Variants in AAK1 observed in about 807,000 individuals in gnomAD.
AAK1 encodes AP2-associated protein kinase 1.
Under a neutral mutation model 116.0 loss-of-function variants are expected in AAK1, and 37 were observed. The ratio of observed to expected loss-of-function variants is 0.32; its 90% CI spans 0.25 to 0.42. The LOEUF is 0.42. Ranked by LOEUF, AAK1 falls within the 10% of genes least tolerant of loss-of-function variation. The probability of loss-of-function intolerance (pLI) is 1.00; values close to 1 mark genes in which losing one functional copy is unlikely to be tolerated. For synonymous variants in AAK1, 458 were observed against 439.9 expected (o/e 1.04, Z -0.51); for missense variants, 919 against 1,170.6 (o/e 0.79, Z 3.14).
intron 5 of AAK1, among the ~76,000 whole-genome samples, chr2:69,538,861 A>G (rs1472705240): frequency 1.3e-5 from 2 of 152,188 alleles, no homozygotes; most frequent in African/African-American, 2.4e-5. Flanking sequence ...CAGCCTGGGC[A>G]AGAGAGCAAG....
In AAK1 at chr2:69,458,707, G is replaced by GCACA. The variant is rs139723881; in HGVS notation, c.*17158_*17161dup. On this transcript the variant is annotated 3_prime_UTR_variant, in exon 22 of 22. Transcript: ENST00000409085. ...TGGAAGAAAGCATGAAGATGAATGA[G>GCACA]CACACACACACACACACACACCCCA... 18,359 of 150,226 alleles carry GCACA rather than the reference G, an allele frequency of 0.12. 1,235 individuals are homozygous for GCACA. Among genetic ancestry groups the GCACA allele is most frequent in the Non-Finnish European group, 0.16 (10,550 of 67,216 alleles). The allele number at this position is 150,226 out of a possible 1,614,324, so 9.3% of individuals were successfully genotyped here.
chr2:69,532,191 CA>C lies in AAK1; in HGVS notation c.535-30del, dbSNP rs780871458. 6 of 1,611,200 alleles carry C rather than the reference CA, an allele frequency of 3.7e-6. No homozygotes were observed. The African/African-American group carries it at 8.0e-5, about 22-fold the overall frequency. ...AAAAACATTCCCCAACCACCCATTC[CA>C]AGATATCATTTAGTAATGCACGTGA... On this transcript the variant is annotated intron_variant, in intron 5 of 21. Coordinates refer to ENST00000409085, the MANE Select transcript of AAK1 (RefSeq NM_014911.5).
At chr2:69,537,698 G>C (rs930394648) in intron 5 of AAK1, among the ~76,000 whole-genome samples, 3 of 152,236 alleles carry the variant, frequency 2.0e-5, no homozygotes, top group African/African-American at 7.2e-5. Flanking sequence ...TGCAACGACA[G>C]AGCCAGGGTG....
intron 16 of AAK1, chr2:69,499,776 G>A (rs778235536): frequency 2.0e-4 from 30 of 152,014 alleles, no homozygotes; most frequent in Middle Eastern, 3.2e-3. Flanking sequence ...CTGAATATAC[G>A]GTGTAAGTCA....
Position 69,566,860 on chromosome 2 carries a change from G to A in AAK1, c.164-9882C>T, listed in dbSNP as rs142919826. ...TGGGCTATCAGCTAAGGCTAACCAA[G>A]AAAGGGCCTTTCCACAAGCTACCCG... On this transcript the variant is annotated intron_variant, in intron 2 of 21. Coordinates refer to ENST00000409085, the MANE Select transcript of AAK1 (RefSeq NM_014911.5). Among the ~76,000 whole-genome samples, 766 of 152,302 alleles carry A rather than the reference G, an allele frequency of 5.0e-3. 8 individuals carry two copies. The highest frequency in any genetic ancestry group is 0.018 in the African/African-American group (728 of 41,552).
At position 69,470,337 on chromosome 2, in the gene AAK1, C is replaced by T. The variant is rs781027665; in HGVS notation, c.*5532G>A. 81 of 985,240 alleles carry T rather than the reference C, an allele frequency of 8.2e-5. No homozygotes were observed. The highest frequency in any genetic ancestry group is 1.9e-4 in the African/African-American group (11 of 57,200). The allele number at this position is 985,240 out of a possible 1,614,324, so 61.0% of individuals were successfully genotyped here. A position where few individuals can be genotyped will look rare whatever the true frequency, so the allele number is the denominator to read the frequency against. On this transcript the variant is annotated 3_prime_UTR_variant, in exon 22 of 22. Transcript: ENST00000409085. ...CTTGGAAATGCAGCAGCAATTGAAA[C>T]GTAAAATTTTAGAACCAAACTGGGG...
At chr2:69,552,704 A>T (rs1373153114) in intron 3 of AAK1, among the ~76,000 whole-genome samples, 1 of 151,432 alleles carries the variant, frequency 6.6e-6, no homozygotes, top group Non-Finnish European at 1.5e-5. Flanking sequence ...GAGCAAGAAG[A>T]CTCCGTCTCA....
intron 2 of AAK1, among the ~76,000 whole-genome samples, chr2:69,621,381 A>C (rs1260546420): frequency 1.3e-5 from 2 of 152,166 alleles, no homozygotes; most frequent in Non-Finnish European, 2.9e-5. Flanking sequence ...CGGGAGGCCG[A>C]GGCAGAAGAA....
intron 17 of AAK1, among the ~76,000 whole-genome samples, chr2:69,494,815 A>T (rs1675674675): frequency 6.6e-6 from 1 of 152,152 alleles, no homozygotes. Context: ...GTAAGCTATA[A>T]AGTTATACAG....
intron 2 of AAK1, among the ~76,000 whole-genome samples, chr2:69,584,244 G>A (rs755771614): frequency 2.2e-4 from 33 of 152,168 alleles, no homozygotes; most frequent in African/African-American, 7.2e-4. Flanking sequence ...CCAGGCAGGC[G>A]TGACTCCTAA....
At chr2:69,586,363 G>A (rs890086962) in intron 2 of AAK1, among the ~76,000 whole-genome samples, 4 of 152,126 alleles carry the variant, frequency 2.6e-5, no homozygotes, top group Non-Finnish European at 5.9e-5. Flanking sequence ...TTGGCACAAG[G>A]TAACCATGGG....
rs1674749314 is a variant in AAK1, at chr2:69,473,519, C to A, written c.*2350G>T. On this transcript the variant is annotated 3_prime_UTR_variant, in exon 22 of 22. Transcript: ENST00000409085. ...ATTTCTTGTCATTATCTCCCTTAGG[C>A]TTCTACTGCCGTCTCTGGCTTCTAG... 6.1e-6 allele frequency: 6 copies of A among 985,422 alleles called. No homozygotes were observed. Among genetic ancestry groups the A allele is most frequent in the Non-Finnish European group, 7.2e-6 (6 of 829,922 alleles). 61.0% of individuals were successfully genotyped at this position (985,422 alleles called of 1,614,324 possible).
chr2:69,640,552 A>C (rs3849390), intron 2 of AAK1, among the ~76,000 whole-genome samples: 1 of 152,052 alleles, frequency 6.6e-6, no homozygotes, highest in African/African-American at 2.4e-5. Context: ...CAATCACACT[A>C]TAGACCTCCC....
At chr2:69,642,847 T>G (rs779931083) in intron 2 of AAK1, 31 bp downstream of exon 2, 4 of 1,613,298 alleles carry the variant, frequency 2.5e-6, no homozygotes, top group Non-Finnish European at 2.5e-6. Context: ...GCACAAGATT[T>G]TAATTTACGG....
At chr2:69,481,228 GTTACT>G in intron 18 of AAK1, 1 of 303,896 alleles carries the variant, frequency 3.3e-6, no homozygotes, top group South Asian at 4.0e-5. Context: ...AGAAAAATAA[GTTACT>G]TTATTTCTGC....
chr2:69,496,432 T>C (rs1675749140), intron 16 of AAK1, among the ~76,000 whole-genome samples: 1 of 151,968 alleles, frequency 6.6e-6, no homozygotes, highest in Non-Finnish European at 1.5e-5. Flanking sequence ...CACAGCTAAT[T>C]TTTGTATTTT....
At chr2:69,594,687 A>G (rs892938468) in intron 2 of AAK1, 4 of 603,814 alleles carry the variant, frequency 6.6e-6, no homozygotes, top group Non-Finnish European at 1.2e-5. Context: ...ATTTTTTTTA[A>G]GTGAATATAA....
chr2:69,479,724 T>A (rs919576898), intron 19 of AAK1, among the ~76,000 whole-genome samples: 1 of 152,112 alleles, frequency 6.6e-6, no homozygotes, highest in East Asian at 1.9e-4. Context: ...TTGAACATGA[T>A]TTTGACTTCA....
At chr2:69,543,536 TAG>T (rs1670808655) in intron 4 of AAK1, among the ~76,000 whole-genome samples, 1 of 152,044 alleles carries the variant, frequency 6.6e-6, no homozygotes, top group South Asian at 2.1e-4. Flanking sequence ...GCCTCCCGAG[TAG>T]CTGGGATTAC....
Sources: gnomAD v4.1 joint callset for allele counts (sites outside exome capture counted in the v4.1 genomes callset) on GRCh38, gnomAD v4.1.1 for gene constraint, MANE v1.5 for transcripts, NCBI Gene and HGNC (gene_info 2026-07-23, HGNC 2026-07-21) for gene names.